The following MIER1 variants were observed in gnomAD, a reference collection of about 807,000 sequenced individuals.
MIER1 encodes the protein mesoderm induction early response protein 1.
In MIER1, 40 loss-of-function variants were observed where a neutral mutation model predicts 75.7. The observed-to-expected ratio is 0.53, with a 90% CI of 0.41 to 0.69. The LOEUF (loss-of-function observed/expected upper bound fraction) is 0.69. Among genes scored for constraint, MIER1 ranks in the 30% least tolerant of loss-of-function variants. The pLI is 0.00. For synonymous variants in MIER1, 213 were observed against 223.4 expected (o/e 0.95, Z 0.42); for missense variants, 574 against 680.2 (o/e 0.84, Z 1.74).
At chr1:66,959,599 G>T in intron 6 of MIER1, 80 bp from the exon 7 acceptor site, 2 of 684,330 alleles carry the variant, frequency 2.9e-6, no homozygotes, top group Non-Finnish European at 2.4e-6. Context: ...CCAAATATTT[G>T]ATGGTAGATG....
intron 4 of MIER1, chr1:66,946,766 T>TAA (rs1657749210): frequency 1.2e-5 from 12 of 985,448 alleles, no homozygotes; most frequent in Non-Finnish European, 1.2e-5. Context: ...CCAGTGAACT[T>TAA]TCCTTGTTAC....
At chr1:66,939,065 CTA>C (rs1655577695) in intron 2 of MIER1, among the ~76,000 whole-genome samples, 1 of 152,126 alleles carries the variant, frequency 6.6e-6, no homozygotes, top group Non-Finnish European at 1.5e-5. Context: ...TGCAAGATCC[CTA>C]TCTTTCCTTT....
At chr1:66,938,935 C>T (rs1474347644) in intron 2 of MIER1, among the ~76,000 whole-genome samples, 1 of 152,114 alleles carries the variant, frequency 6.6e-6, no homozygotes, top group Non-Finnish European at 1.5e-5. Flanking sequence ...GTTTTAAAAA[C>T]AAATTTTAAT....
At chr1:66,951,872 G>T (rs7555338) in intron 4 of MIER1, among the ~76,000 whole-genome samples, 5,981 of 152,214 alleles carry the variant, frequency 0.039, 147 homozygotes, top group Non-Finnish European at 0.054. Flanking sequence ...TTTGAAGAAG[G>T]CAGTATATAT....
intron 3 of MIER1, among the ~76,000 whole-genome samples, chr1:66,945,279 A>G (rs398052645): frequency 0.023 from 103 of 4,386 alleles, no homozygotes; most frequent in Admixed American, 0.094. Context: ...ATATATATAT[A>G]TATATATATA....
chr1:66,954,318 C>T (rs997432880), intron 4 of MIER1, among the ~76,000 whole-genome samples: 3 of 152,162 alleles, frequency 2.0e-5, no homozygotes, highest in African/African-American at 4.8e-5. Flanking sequence ...CAAATTGAGT[C>T]AGGAGTATAA....
At chr1:66,942,164 A>G (rs1245822020) in intron 3 of MIER1, among the ~76,000 whole-genome samples, 1 of 152,220 alleles carries the variant, frequency 6.6e-6, no homozygotes, top group Non-Finnish European at 1.5e-5. Flanking sequence ...AGCCAGTTAT[A>G]AAAGTTAGTA....
intron 8 of MIER1, 115 bp downstream of exon 8, chr1:66,963,275 C>A: frequency 1.6e-6 from 1 of 633,412 alleles, no homozygotes; most frequent in Non-Finnish European, 2.8e-6. Flanking sequence ...CCCATTGTAA[C>A]CCCATTGGTT....
intron 11 of MIER1, 59 bp downstream of exon 11, chr1:66,973,050 C>T: frequency 1.1e-6 from 1 of 872,448 alleles, no homozygotes. Flanking sequence ...CTCAAATGGT[C>T]ATGTATCGTA....
chr1:66,984,002 G>T (rs1320988534), intron 13 of MIER1, among the ~76,000 whole-genome samples: 1 of 152,228 alleles, frequency 6.6e-6, no homozygotes, highest in African/African-American at 2.4e-5. Flanking sequence ...GGGAATACAG[G>T]CGTGAGCCAC....
chr1:66,952,708 C>A (rs1238556414), intron 4 of MIER1, among the ~76,000 whole-genome samples: 1 of 152,226 alleles, frequency 6.6e-6, no homozygotes, highest in Admixed American at 6.5e-5. Flanking sequence ...GCAGTGCGAT[C>A]TTGGCTCACT....
chr1:66,939,415 G>A (rs1655654514), intron 2 of MIER1, among the ~76,000 whole-genome samples: 1 of 152,116 alleles, frequency 6.6e-6, no homozygotes, highest in African/African-American at 2.4e-5. Flanking sequence ...GTGCAGTCTT[G>A]CATCAGATAA....
At chr1:66,978,209 A>AAAAAAG (rs1553256847) in intron 12 of MIER1, among the ~76,000 whole-genome samples, 2 of 149,472 alleles carry the variant, frequency 1.3e-5, no homozygotes, top group Admixed American at 6.6e-5. Flanking sequence ...AAAAAAAAAA[A>AAAAAAG]AAAGATGTGC....
intron 3 of MIER1, among the ~76,000 whole-genome samples, chr1:66,944,963 T>G (rs1043695391): frequency 2.6e-5 from 4 of 152,024 alleles, no homozygotes; most frequent in African/African-American, 9.7e-5. Flanking sequence ...TAGGCTCAGG[T>G]GATCCTCCCT....
intron 2 of MIER1, among the ~76,000 whole-genome samples, chr1:66,934,163 A>T (rs1654119629): frequency 6.6e-6 from 1 of 152,192 alleles, no homozygotes; most frequent in Non-Finnish European, 1.5e-5. Context: ...ATAAATTTAA[A>T]CATATCCCAT....
chr1:66,959,641 G>A (rs745416894), intron 6 of MIER1, 38 bp from the exon 7 acceptor site: 2 of 965,452 alleles, frequency 2.1e-6, no homozygotes, highest in East Asian at 2.9e-5. Flanking sequence ...GACAGGATAA[G>A]CAGTCATTTT....
intron 4 of MIER1, among the ~76,000 whole-genome samples, chr1:66,952,648 C>CT (rs1256450292): frequency 6.6e-6 from 1 of 152,068 alleles, no homozygotes; most frequent in East Asian, 1.9e-4. Context: ...TGGTTTACCT[C>CT]TTTTTGTTTT....
At position 66,986,459 on chromosome 1, in the gene MIER1, G is replaced by A. The variant is rs749376463; in HGVS notation, c.*1559G>A. The A allele has an allele frequency of 1.2e-6, 2 of 1,609,408 alleles. No homozygotes were observed. The highest frequency in any genetic ancestry group is 1.1e-5 in the South Asian group (1 of 90,988). ...TTCAGCCATCAGTTCAAGAGCCAAT[G>A]CCTTTTTAAAATAAAGCTTCTGTGG... On this transcript the variant is annotated 3_prime_UTR_variant, in exon 14 of 14. Transcript: ENST00000401041.
At chr1:66,948,184 A>C (rs967628332) in intron 4 of MIER1, 1 of 908,880 alleles carries the variant, frequency 1.1e-6, no homozygotes, top group African/African-American at 1.8e-5. Flanking sequence ...ACTCAAAAGT[A>C]TTGTATGAAT....
Sources: gnomAD v4.1 joint callset for allele counts (sites outside exome capture counted in the v4.1 genomes callset) on GRCh38, gnomAD v4.1.1 for gene constraint, MANE v1.5 for transcripts, NCBI Gene and HGNC (gene_info 2026-07-23, HGNC 2026-07-21) for gene names.